Variants in MUC17 observed in about 807,000 individuals in gnomAD.
MUC17 encodes the protein mucin 17, cell surface associated.
MUC17 carries 190 observed loss-of-function variants against 170.3 expected under a neutral mutation model. The observed-to-expected ratio is 1.12, with a 90% CI of 0.99 to 1.26. The LOEUF (loss-of-function observed/expected upper bound fraction) is 1.26. Among genes scored for constraint, MUC17 ranks in the 50% most tolerant of loss-of-function variants. MUC17 has a pLI of 0.00. For missense variants in MUC17, 6,415 were observed against 5,530.0 expected (o/e 1.16, Z -5.08); for synonymous variants, 2,325 against 2,002.5 (o/e 1.16, Z -4.30).
At position 101,037,519 on chromosome 7, in the gene MUC17, C is replaced by G. The variant is rs759499195; in HGVS notation, c.6103C>G (p.Gln2035Glu). The G allele has an allele frequency of 6.2e-7, 1 of 1,613,832 alleles. No homozygotes were observed. Among genetic ancestry groups the G allele is most frequent in the South Asian group, 1.1e-5 (1 of 91,054 alleles). ...SPTTAGGTSI[Q>E]TSTPSERTTP... is the part of the protein sequence containing the mutation. Reference sequence around the variant, plus strand: ...TACAACTGCAGGAGGTACCAGCATACAAACCTCAACTCCTAGTGAACGGAC... The same window carrying G: ...TACAACTGCAGGAGGTACCAGCATAGAAACCTCAACTCCTAGTGAACGGAC... The change falls in exon 3 of 13, where the codon CAA (glutamine) becomes GAA (glutamate). Residue 2035 changes from glutamine (Q) to glutamate (E), a missense_variant. Physicochemically the swap from Gln to Glu is conservative, Grantham distance 29. Coordinates refer to ENST00000306151, the MANE Select transcript of MUC17 (RefSeq NM_001040105.2).
In MUC17 at chr7:101,035,220, G is replaced by C. The variant is rs764611986; in HGVS notation, c.3804G>C (p.Leu1268Phe). ...SSPTTAEGTSLPTSTTSEGST... is the reference protein window; with the variant it reads ...SSPTTAEGTSFPTSTTSEGST... ...CTACAACCGCTGAAGGTACCAGCTT[G>C]CCAACCTCAACTACTAGTGAAGGAA... is the stretch of plus-strand genomic sequence containing the variant. The change falls in exon 3 of 13, where the codon TTG becomes TTC. Residue 1268 changes from leucine to phenylalanine, a missense_variant. Transcript: ENST00000306151. The C allele has an allele frequency of 8.7e-6, 14 of 1,609,046 alleles. No individual in the cohort carries two copies. In the African/African-American group the frequency reaches 1.6e-4, roughly 19 times the overall value.
chr7:101,042,719 T>G lies in MUC17; in HGVS notation c.11303T>G (p.Phe3768Cys). The G allele has an allele frequency of 6.2e-7, 1 of 1,613,842 alleles. No individual in the cohort carries two copies. The change falls in exon 3 of 13, where the codon TTT becomes TGT. Residue 3768 changes from phenylalanine (F) to cysteine (C), a missense_variant. Phe to Cys is a radical substitution (Grantham distance 205). Transcript: ENST00000306151. ...GTCAGTACCACACCTGTTACGAGGT[T>G]TCCTGAGAGTAGCACCCCTTCCATA... is the stretch of plus-strand genomic sequence containing the variant. Reference protein sequence around the residue: ...ILVSTTPVTRFPESSTPSIPS... With the variant: ...ILVSTTPVTRCPESSTPSIPS...
In MUC17 at chr7:101,051,857, G is replaced by A. The variant is rs73168398; in HGVS notation, c.12998G>A (p.Arg4333Gln). Reference protein sequence around the residue: ...EYGDYFVVEYRDQKPYCISPC... With the variant: ...EYGDYFVVEYQDQKPYCISPC... ...GGAGACTACTTCGTAGTGGAGTACC[G>A]GGACCAGAAGCCATACTGCATCAGC... Residue 4333 changes from arginine to glutamine, a missense_variant, in exon 9 of 13, where the codon CGG becomes CAG. Transcript: ENST00000306151. 170,493 of 1,613,964 alleles carry A rather than the reference G, an allele frequency of 0.11. 9,467 individuals carry two copies. The highest frequency in any genetic ancestry group is 0.15 in the Middle Eastern group (920 of 6,060).
In MUC17 at chr7:101,032,031, C is replaced by T. The variant is rs1191022426; in HGVS notation, c.615C>T (p.Thr205=). Residue 205 remains threonine, a synonymous_variant, in exon 3 of 13, where the codon ACC becomes ACT. Transcript: ENST00000306151. ...SSSPTTPEST[T]IPKSTNSEGS... ...CTCCTACTACTCCTGAAAGCACCAC[C>T]ATACCCAAATCAACTAACAGTGAAG... 1 of 1,614,232 alleles carries T rather than the reference C, an allele frequency of 6.2e-7. No individual in the cohort carries two copies. The highest frequency in any genetic ancestry group is 1.1e-5 in the South Asian group (1 of 91,080).
intron 2 of MUC17, 54 bp downstream of exon 2, chr7:101,031,275 G>T (rs1186872246): frequency 1.3e-6 from 2 of 1,570,802 alleles, no homozygotes; most frequent in South Asian, 2.4e-5. Context: ...CTGCGAAAGG[G>T]CTAGAGCGAC....
chr7:101,032,785 A>G lies in MUC17; in HGVS notation c.1369A>G (p.Met457Val). 1 of 1,614,154 alleles carries G rather than the reference A, an allele frequency of 6.2e-7. No homozygotes were observed. Among genetic ancestry groups the G allele is most frequent in the Non-Finnish European group, 8.5e-7 (1 of 1,180,020 alleles). Reference sequence around the variant, plus strand: ...TGAAGGAAGCACTCCATTAACAAGTATGCCTGTCAGCACCACTCCAGTGGC... The same window carrying G: ...TGAAGGAAGCACTCCATTAACAAGTGTGCCTGTCAGCACCACTCCAGTGGC... ...PSEGSTPLTS[M>V]PVSTTPVASS... The change falls in exon 3 of 13, where the codon ATG (methionine) becomes GTG (valine). Residue 457 changes from methionine (M) to valine (V), a missense_variant. Coordinates refer to ENST00000306151, the MANE Select transcript of MUC17 (RefSeq NM_001040105.2).
At chr7:101,026,263 C>T (rs1794177101) in intron 1 of MUC17, among the ~76,000 whole-genome samples, 1 of 152,222 alleles carries the variant, frequency 6.6e-6, no homozygotes, top group African/African-American at 2.4e-5. Flanking sequence ...GGGCCAGGCC[C>T]AGGCAGGGAC....
chr7:101,051,635 T>C lies in MUC17; in HGVS notation c.12897T>C (p.Thr4299=). 2 of 1,612,912 alleles carry C rather than the reference T, an allele frequency of 1.2e-6. No individual in the cohort carries two copies. Among genetic ancestry groups the C allele is most frequent in the Non-Finnish European group, 1.7e-6 (2 of 1,179,712 alleles). Residue 4299 remains threonine (T), a synonymous_variant, in exon 8 of 13, where the codon ACT becomes ACC. Transcript: ENST00000306151. ...ICSDMMCFNT[T]GTQVQNITVT... ...CAGACATGATGTGTTTCAACACCAC[T>C]GGCACCCAAGTGCAAAACATTACGG... is the stretch of plus-strand genomic sequence containing the variant.
At position 101,046,884 on chromosome 7, in the gene MUC17, C is replaced by T. The variant is rs1202544455; in HGVS notation, c.12404-1100C>T. ...CACAAGGTCAGGAGATCAAGACCAT[C>T]CTGGCTAACACGGTGAAACATCGTC... On this transcript the variant is annotated intron_variant, in intron 3 of 12. Transcript: ENST00000306151. Among the ~76,000 whole-genome samples, 3 of 151,880 alleles carry T rather than the reference C, an allele frequency of 2.0e-5. No homozygotes were observed. In the South Asian group the frequency reaches 6.2e-4, roughly 32 times the overall value.
In MUC17 at chr7:101,040,088, C is replaced by A. The variant is rs1192312214; in HGVS notation, c.8672C>A (p.Thr2891Lys). The A allele has an allele frequency of 2.6e-5, 42 of 1,608,990 alleles. 1 individual carries two copies. Among genetic ancestry groups the A allele is most frequent in the South Asian group, 8.8e-5 (8 of 90,830 alleles). ...AGTTCTGAGGCTAGCACCCTTTCAACAACTCCTGTTGATACCAGCATACCT... is the reference window on the plus strand; with the variant it reads ...AGTTCTGAGGCTAGCACCCTTTCAAAAACTCCTGTTGATACCAGCATACCT... Reference protein sequence around the residue: ...VASSEASTLSTTPVDTSIPVT... With the variant: ...VASSEASTLSKTPVDTSIPVT... The change falls in exon 3 of 13, where the codon ACA becomes AAA. Residue 2891 changes from threonine to lysine, a missense_variant. Thr to Lys is a moderately conservative substitution (Grantham distance 78). Coordinates refer to ENST00000306151, the MANE Select transcript of MUC17 (RefSeq NM_001040105.2).
At chr7:101,020,245 A>G in intron 1 of MUC17, 28 bp downstream of exon 1, 1 of 1,581,912 alleles carries the variant, frequency 6.3e-7, no homozygotes, top group Non-Finnish European at 8.6e-7. Flanking sequence ...CCCGCTGCCC[A>G]AGAGGCCCCC....
chr7:101,025,101 A>G (rs182622158), intron 1 of MUC17, among the ~76,000 whole-genome samples: 218 of 152,260 alleles, frequency 1.4e-3, no homozygotes, highest in African/African-American at 4.9e-3. Flanking sequence ...TGGGTGGTTC[A>G]TGCCTGGAAT....
Position 101,051,796 on chromosome 7 carries a change from C to G in MUC17, c.12944-7C>G. ...CGGCTGTTCCCTGTCCCTGCACCCC[C>G]CACCAGAGGACTGCCGGAAGATGGC... is the stretch of plus-strand genomic sequence containing the variant. On this transcript the variant is annotated splice_polypyrimidine_tract_variant and splice_region_variant and intron_variant, in intron 8 of 12. Coordinates refer to ENST00000306151, the MANE Select transcript of MUC17 (RefSeq NM_001040105.2). The G allele has an allele frequency of 2.5e-6, 4 of 1,612,678 alleles. No individual in the cohort carries two copies. Among genetic ancestry groups the G allele is most frequent in the Non-Finnish European group, 3.4e-6 (4 of 1,178,924 alleles).
Position 101,058,121 on chromosome 7 carries a change from C to G in MUC17, c.*77C>G. The G allele has an allele frequency of 1.5e-6, 2 of 1,329,610 alleles. No individual in the cohort carries two copies. Among genetic ancestry groups the G allele is most frequent in the Non-Finnish European group, 2.2e-6 (2 of 923,676 alleles). 82.4% of individuals were successfully genotyped at this position (1,329,610 alleles called of 1,614,324 possible). ...TGGTGGAGCATTTTCCCATTGAGAG[C>G]CTTCCATGGGAACTCAATGTTCCCA... is the stretch of plus-strand genomic sequence containing the variant. On this transcript the variant is annotated 3_prime_UTR_variant, in exon 13 of 13. Transcript: ENST00000306151.
rs1334749313 is a variant in MUC17 at position 101,041,255 on chromosome 7, G to A, written c.9839G>A (p.Ser3280Asn). 2.5e-6 allele frequency: 4 copies of A among 1,608,340 alleles called. No homozygotes were observed. The highest frequency in any genetic ancestry group is 3.4e-5 in the Admixed American group (2 of 59,540). The change falls in exon 3 of 13, where the codon AGC becomes AAC. Residue 3280 changes from serine to asparagine, a missense_variant. Transcript: ENST00000306151. ...SMPTSTPSEG[S>N]TPLTSMPVST... The stretch of plus-strand genomic sequence containing the variant: ...CCAACCTCAACTCCTAGTGAAGGAA[G>A]CACTCCATTAACAAGTATGCCTGTC...
In MUC17 at chr7:101,035,857, G is replaced by T. The variant is rs770633160; in HGVS notation, c.4441G>T (p.Asp1481Tyr). 2 of 1,601,378 alleles carry T rather than the reference G, an allele frequency of 1.2e-6. No individual in the cohort carries two copies. Among genetic ancestry groups the T allele is most frequent in the South Asian group, 2.2e-5 (2 of 89,254 alleles). ...EASTLSTTPV[D>Y]SNSPVVTSTA... ...TAGCACCCTTTCAACAACTCCTGTT[G>T]ACTCTAACAGTCCTGTGGTCACTTC... Residue 1481 changes from aspartate (D) to tyrosine (Y), a missense_variant, in exon 3 of 13, where the codon GAC becomes TAC. Physicochemically the swap from Asp to Tyr is radical, Grantham distance 160. Coordinates refer to ENST00000306151, the MANE Select transcript of MUC17 (RefSeq NM_001040105.2).
At chr7:101,049,572 G>A (rs1012362325) in intron 6 of MUC17, among the ~76,000 whole-genome samples, 190 bp downstream of exon 6, 1 of 152,180 alleles carries the variant, frequency 6.6e-6, no homozygotes, top group Non-Finnish European at 1.5e-5. Context: ...TAAGATGAAG[G>A]TGTGGGTGGG....
chr7:101,032,752 A>G lies in MUC17; in HGVS notation c.1336A>G (p.Thr446Ala). Residue 446 changes from threonine to alanine, a missense_variant, in exon 3 of 13, where the codon ACT becomes GCT. Transcript: ENST00000306151. ...TAEDTSIATS[T>A]PSEGSTPLTS... Reference sequence around the variant, plus strand: ...TGAAGATACCAGCATTGCAACCTCAACTCCTAGTGAAGGAAGCACTCCATT... The same window carrying G: ...TGAAGATACCAGCATTGCAACCTCAGCTCCTAGTGAAGGAAGCACTCCATT... The G allele has an allele frequency of 6.2e-7, 1 of 1,613,238 alleles. No homozygotes were observed. Among genetic ancestry groups the G allele is most frequent in the Non-Finnish European group, 8.5e-7 (1 of 1,179,804 alleles).
chr7:101,031,904 T>C lies in MUC17; in HGVS notation c.488T>C (p.Phe163Ser), dbSNP rs761222920. 6.2e-7 allele frequency: 1 copy of C among 1,614,094 alleles called. No individual in the cohort carries two copies. The highest frequency in any genetic ancestry group is 1.1e-5 in the South Asian group (1 of 91,076). ...SEESISSTMA[F>S]VSTAPLPSFE... ...GAAAGCATTTCATCAACAATGGCTT[T>C]TGTCAGCACTGCACCTCTTCCCAGT... Residue 163 changes from phenylalanine to serine, a missense_variant, in exon 3 of 13, where the codon TTT (phenylalanine) becomes TCT (serine). By Grantham distance (155) the Phe-to-Ser change is radical. Coordinates refer to ENST00000306151, the MANE Select transcript of MUC17 (RefSeq NM_001040105.2).
Sources: gnomAD v4.1 joint callset for allele counts (sites outside exome capture counted in the v4.1 genomes callset) on GRCh38, gnomAD v4.1.1 for gene constraint, MANE v1.5 for transcripts, NCBI Gene and HGNC (gene_info 2026-07-23, HGNC 2026-07-21) for gene names.